Variants in SERPINB7 observed in about 807,000 individuals in gnomAD.
The protein encoded by SERPINB7 is serpin B7.
Under a neutral mutation model 37.4 loss-of-function variants are expected in SERPINB7, and 31 were observed. The observed-to-expected ratio is 0.83, with a 90% CI of 0.62 to 1.12. The LOEUF is 1.12. Ranked by LOEUF, SERPINB7 falls within the 50% of genes most tolerant of loss-of-function variation. The pLI, the probability that SERPINB7 is intolerant of heterozygous loss-of-function variation, is 0.00. For synonymous variants in SERPINB7, 163 were observed against 166.1 expected (o/e 0.98, Z 0.14); for missense variants, 521 against 455.3 (o/e 1.14, Z -1.31).
upstream of SERPINB7, among the ~76,000 whole-genome samples, chr18:63,774,200 C>T (rs546150331): frequency 1.2e-4 from 19 of 152,038 alleles, no homozygotes; most frequent in Admixed American, 2.6e-4. Context: ...TATGATTATT[C>T]TACTCATAAA....
intron 1 of SERPINB7, among the ~76,000 whole-genome samples, chr18:63,755,459 T>C (rs2049116546): frequency 6.6e-6 from 1 of 152,210 alleles, no homozygotes; most frequent in South Asian, 2.1e-4. Context: ...CCTTCTTTTT[T>C]CATAACTAGT....
intron 4 of SERPINB7, among the ~76,000 whole-genome samples, chr18:63,794,951 A>G (rs901025227): frequency 6.6e-6 from 1 of 152,246 alleles, no homozygotes; most frequent in African/African-American, 2.4e-5. Context: ...CATGGTTTGT[A>G]ATACATCTTT....
intron 1 of SERPINB7, among the ~76,000 whole-genome samples, chr18:63,763,325 G>A (rs1328153529): frequency 6.6e-6 from 1 of 152,126 alleles, no homozygotes; most frequent in Non-Finnish European, 1.5e-5. Flanking sequence ...ATATCGTCCA[G>A]AAAGTAATTT....
At chr18:63,773,441 C>T (rs964445401), upstream of SERPINB7, among the ~76,000 whole-genome samples, 1 of 152,108 alleles carries the variant, frequency 6.6e-6, no homozygotes, top group Non-Finnish European at 1.5e-5. Context: ...AAATCTAGCA[C>T]CCCTTACCAT....
At position 63,792,453 on chromosome 18, in the gene SERPINB7, A is replaced by G. The variant is rs1293638457; in HGVS notation, c.219+10A>G. On this transcript the variant is annotated intron_variant, in intron 3 of 7. Coordinates refer to ENST00000398019, the MANE Select transcript of SERPINB7 (RefSeq NM_003784.4). ...CTCTTCTAATAGTCAGGTAAAGACA[A>G]TATGTTCTTTTAGAAAAAGAGAAGG... 8 of 1,570,356 alleles carry G rather than the reference A, an allele frequency of 5.1e-6. No individual in the cohort carries two copies. Among genetic ancestry groups the G allele is most frequent in the Non-Finnish European group, 7.0e-6 (8 of 1,141,918 alleles).
chr18:63,800,588 C>T lies in SERPINB7; in HGVS notation c.598-278C>T, dbSNP rs1026819644. Among the ~76,000 whole-genome samples, 3 of 152,110 alleles carry T rather than the reference C, an allele frequency of 2.0e-5. No homozygotes were observed. In the South Asian group the frequency reaches 6.2e-4, roughly 32 times the overall value. ...GTACAGCAGGGATTATAGTCATTCC[C>T]ATTCTATAGATGAGGAAATGGAGGA... is the stretch of plus-strand genomic sequence containing the variant. On this transcript the variant is annotated intron_variant, in intron 6 of 7. Transcript: ENST00000398019.
At chr18:63,790,283 G>C (rs922823462) in intron 2 of SERPINB7, among the ~76,000 whole-genome samples, 1 of 152,118 alleles carries the variant, frequency 6.6e-6, no homozygotes, top group Non-Finnish European at 1.5e-5. Flanking sequence ...AAATAATTTT[G>C]AATTAAAGGA....
intron 2 of SERPINB7, among the ~76,000 whole-genome samples, chr18:63,791,832 G>C (rs185683389): frequency 6.6e-6 from 1 of 151,982 alleles, no homozygotes; most frequent in Admixed American, 6.6e-5. Flanking sequence ...GGATGGTCTC[G>C]ATCTCCTGAC....
At position 63,761,425 on chromosome 18, in the gene SERPINB7, T is replaced by G. The variant is rs546851284; in HGVS notation, c.-19+8305T>G. The stretch of plus-strand genomic sequence containing the variant: ...ACTTGCCTTGTCTCAAGTGAGACTT[T>G]GGACTGTGAACTTTTGGGTTAATGC... On this transcript the variant is annotated intron_variant, in intron 1 of 7. Coordinates refer to the SERPINB7 transcript ENST00000336429. Among the ~76,000 whole-genome samples the G allele has an allele frequency of 4.6e-5, 7 of 152,354 alleles. No homozygotes were observed. In the South Asian group the frequency reaches 1.0e-3, roughly 23 times the overall value.
At position 63,763,019 on chromosome 18, in the gene SERPINB7, G is replaced by A. The variant is rs1251483746; in HGVS notation, c.-19+9899G>A. ...TATTTTTAGATTACCTCAGTAAAAG[G>A]GGGGTTTCAGCTACTATAGTGTAGC... On this transcript the variant is annotated intron_variant, in intron 1 of 7. Coordinates refer to the SERPINB7 transcript ENST00000336429. Among the ~76,000 whole-genome samples, 3 of 152,074 alleles carry A rather than the reference G, an allele frequency of 2.0e-5. No individual in the cohort carries two copies. In the South Asian group the frequency reaches 6.2e-4, roughly 32 times the overall value.
rs140629128 is a variant in SERPINB7 at position 63,783,949 on chromosome 18, A to G, written c.168+1409A>G. Among the ~76,000 whole-genome samples the G allele has an allele frequency of 1.6e-3, 238 of 152,330 alleles. 2 individuals are homozygous for G. The highest frequency in any genetic ancestry group is 5.6e-3 in the African/African-American group (233 of 41,566). On this transcript the variant is annotated intron_variant, in intron 2 of 7. Transcript: ENST00000398019. ...GCTCAGTAAATATTAATTGCTAGAGAACAACTACAGAGTCTTAGACTGCTG... is the reference window on the plus strand; with the variant it reads ...GCTCAGTAAATATTAATTGCTAGAGGACAACTACAGAGTCTTAGACTGCTG...
Position 63,790,992 on chromosome 18 carries a change from CATGG to C in SERPINB7, c.169-1397_169-1394del, listed in dbSNP as rs552467987. Among the ~76,000 whole-genome samples the C allele has an allele frequency of 1.8e-3, 268 of 152,260 alleles. 1 individual carries two copies. Among genetic ancestry groups the C allele is most frequent in the South Asian group, 0.011 (54 of 4,822 alleles). ...GATGAGTTCATGTCCTTTGCAGGGACATGGATGAAGCTGGAAACCATCATTCTCA... is the reference window on the plus strand; with the variant it reads ...GATGAGTTCATGTCCTTTGCAGGGACATGAAGCTGGAAACCATCATTCTCA... On this transcript the variant is annotated intron_variant, in intron 2 of 7. Coordinates refer to ENST00000398019, the MANE Select transcript of SERPINB7 (RefSeq NM_003784.4).
intron 2 of SERPINB7, among the ~76,000 whole-genome samples, chr18:63,782,966 G>A (rs2049316576): frequency 1.3e-5 from 2 of 151,480 alleles, no homozygotes; most frequent in South Asian, 2.1e-4. Context: ...GTGAAACCCC[G>A]TCTCTACTAA....
At chr18:63,760,177 T>A (rs1468184472) in intron 1 of SERPINB7, among the ~76,000 whole-genome samples, 1 of 152,152 alleles carries the variant, frequency 6.6e-6, no homozygotes, top group African/African-American at 2.4e-5. Context: ...CAGGCTGAGG[T>A]GATCTCTGAT....
intron 1 of SERPINB7, among the ~76,000 whole-genome samples, chr18:63,778,971 T>G (rs1311921518): frequency 5.9e-5 from 9 of 152,192 alleles, no homozygotes; most frequent in Non-Finnish European, 1.0e-4. Context: ...TAGTATATTT[T>G]TAGCAAAATG....
At chr18:63,773,244 A>G (rs2049221834), upstream of SERPINB7, among the ~76,000 whole-genome samples, 1 of 152,146 alleles carries the variant, frequency 6.6e-6, no homozygotes, top group Non-Finnish European at 1.5e-5. Flanking sequence ...TTTGGTAAAC[A>G]GAGTTTATAT....
intron 1 of SERPINB7, among the ~76,000 whole-genome samples, chr18:63,754,536 G>A (rs988856142): frequency 1.3e-5 from 2 of 152,116 alleles, no homozygotes; most frequent in Non-Finnish European, 2.9e-5. Flanking sequence ...GAGCAAAGAC[G>A]CTGGTCAGAG....
intron 2 of SERPINB7, among the ~76,000 whole-genome samples, chr18:63,790,976 A>T (rs1029683544): frequency 6.6e-6 from 1 of 152,248 alleles, no homozygotes; most frequent in Non-Finnish European, 1.5e-5. Flanking sequence ...GGATGAGTTC[A>T]TGTCCTTTGC....
At chr18:63,769,618 T>G (rs960929764) in intron 1 of SERPINB7, among the ~76,000 whole-genome samples, 10 of 152,142 alleles carry the variant, frequency 6.6e-5, no homozygotes, top group African/African-American at 2.4e-4. Flanking sequence ...ATGGTTTTAA[T>G]GATAATTGGT....
Sources: allele counts gnomAD v4.1 joint callset (sites outside exome capture counted in the v4.1 genomes callset), GRCh38; gene constraint gnomAD v4.1.1; transcripts MANE v1.5; gene names NCBI Gene and HGNC (gene_info 2026-07-23, HGNC 2026-07-21).